CFAP44: variants seen among roughly 807,000 people sequenced by gnomAD.
CFAP44 encodes cilia and flagella associated protein 44.
In CFAP44, 134 loss-of-function variants were observed where a neutral mutation model predicts 216.2. The ratio of observed to expected loss-of-function variants is 0.62; its 90% CI spans 0.54 to 0.72. The LOEUF (loss-of-function observed/expected upper bound fraction) is 0.72, where lower values mean the gene tolerates loss of function less well. Among genes scored for constraint, CFAP44 ranks in the 30% least tolerant of loss-of-function variants. The pLI, the probability that CFAP44 is intolerant of heterozygous loss-of-function variation, is 0.00. For missense variants in CFAP44, 2,035 were observed against 2,182.1 expected (o/e 0.93, Z 1.34); for synonymous variants, 700 against 727.6 (o/e 0.96, Z 0.61).
At chr3:113,347,216 A>C (rs1225766486) in intron 22 of CFAP44, among the ~76,000 whole-genome samples, 1 of 151,676 alleles carries the variant, frequency 6.6e-6, no homozygotes, top group Non-Finnish European at 1.5e-5. Context: ...ACAACCCCCG[A>C]CTCTGGAGTT....
intron 28 of CFAP44, among the ~76,000 whole-genome samples, chr3:113,323,830 T>A (rs1213787761): frequency 6.6e-6 from 1 of 152,022 alleles, no homozygotes; most frequent in Non-Finnish European, 1.5e-5. Context: ...GAACACAAGG[T>A]CAGGAGATCA....
At chr3:113,318,279 C>T (rs967119793) in intron 28 of CFAP44, among the ~76,000 whole-genome samples, 10 of 152,036 alleles carry the variant, frequency 6.6e-5, no homozygotes, top group African/African-American at 2.4e-4. Flanking sequence ...AAACTCACTA[C>T]AAGAATTTCA....
chr3:113,428,528 T>A (rs914312591), intron 2 of CFAP44, among the ~76,000 whole-genome samples: 6 of 152,194 alleles, frequency 3.9e-5, no homozygotes, highest in Non-Finnish European at 8.8e-5. Flanking sequence ...GTTTTTATAA[T>A]CCTAAAATAG....
intron 28 of CFAP44, among the ~76,000 whole-genome samples, chr3:113,309,833 GAGA>G (rs1467836634): frequency 6.6e-6 from 1 of 152,140 alleles, no homozygotes; most frequent in African/African-American, 2.4e-5. Flanking sequence ...CTCAGACTTG[GAGA>G]AGAATAAGTT....
rs530959264 is a variant in CFAP44, at chr3:113,355,206, C to A, written c.3065+3539G>T. 4.0e-4 allele frequency among the ~76,000 whole-genome samples: 61 copies of A among 151,944 alleles called. 1 individual carries two copies. Among genetic ancestry groups the A allele is most frequent in the African/African-American group, 1.3e-3 (53 of 41,368 alleles). ...TGTAACCAAACACTACCTGTTCCCC[C>A]AAAAACCTATTGAAATTGAAAAAAA... On this transcript the variant is annotated intron_variant, in intron 22 of 34. Transcript: ENST00000393845.
At chr3:113,300,626 CA>C (rs893968034) in intron 32 of CFAP44, among the ~76,000 whole-genome samples, 8 of 149,884 alleles carry the variant, frequency 5.3e-5, no homozygotes, top group African/African-American at 4.9e-5. Context: ...GGATTAGTAT[CA>C]AAAAAAAATT....
intron 22 of CFAP44, among the ~76,000 whole-genome samples, chr3:113,355,011 C>T (rs981384952): frequency 2.0e-5 from 3 of 152,226 alleles, no homozygotes; most frequent in Non-Finnish European, 2.9e-5. Context: ...CATCACAAGA[C>T]TCTTTGCAGA....
rs765663958 is a variant in CFAP44, at chr3:113,426,177, C to T, written c.354G>A (p.Ser118=). Residue 118 remains serine, a synonymous_variant, in exon 4 of 35, where the codon TCG becomes TCA. Coordinates refer to ENST00000393845, the MANE Select transcript of CFAP44 (RefSeq NM_001164496.2). ...SFFYDYMELA[S]MPFVTLDSNI... is the part of the protein sequence containing the mutation. ...TTGAATCCAGAGTCACAAAAGGCAT[C>T]GAAGCAAGCTCCATATAATCATAGA... 46 of 1,613,974 alleles carry T rather than the reference C, an allele frequency of 2.9e-5. No homozygotes were observed. The South Asian group carries it at 3.2e-4, about 11-fold the overall frequency.
rs532207894 is a variant in CFAP44, at chr3:113,427,305, A to C, written c.135T>G (p.Asp45Glu). Residue 45 changes from aspartate (D) to glutamate (E), a missense_variant, in exon 3 of 35, where the codon GAT becomes GAG. By Grantham distance (45) the Asp-to-Glu change is conservative. This residue lies in a region of CFAP44 where 149 missense variants were observed against 141.8 expected (regional missense o/e 1.05). Coordinates refer to ENST00000393845, the MANE Select transcript of CFAP44 (RefSeq NM_001164496.2). The part of the protein sequence containing the change: ...PVQEDNTFLE[D>E]DTDETFTKGE... The stretch of plus-strand genomic sequence containing the variant: ...CTTTGGTAAATGTTTCATCTGTGTC[A>C]TCTTCTAAAAATGTGTTATCTTCTT... The C allele has an allele frequency of 1.2e-6, 2 of 1,611,704 alleles. No homozygotes were observed. Among genetic ancestry groups the C allele is most frequent in the South Asian group, 2.2e-5 (2 of 90,232 alleles).
chr3:113,388,281 GGGAA>G (rs1383155289), intron 15 of CFAP44, among the ~76,000 whole-genome samples: 4 of 152,102 alleles, frequency 2.6e-5, no homozygotes, highest in African/African-American at 4.8e-5. Context: ...TCCCAGTTGT[GGGAA>G]CTTGCTTATT....
chr3:113,437,204 T>C (rs1197129828), intron 1 of CFAP44, among the ~76,000 whole-genome samples: 1 of 152,222 alleles, frequency 6.6e-6, no homozygotes, highest in Non-Finnish European at 1.5e-5. Context: ...ACCTAGTGAT[T>C]TGAATCTCAT....
chr3:113,394,709 C>CTA (rs1461112688), intron 15 of CFAP44, among the ~76,000 whole-genome samples: 2 of 151,920 alleles, frequency 1.3e-5, no homozygotes, highest in Admixed American at 1.3e-4. Context: ...CTAACACTAA[C>CTA]AACAGCTGAC....
At chr3:113,385,629 C>T (rs1169364195) in intron 15 of CFAP44, among the ~76,000 whole-genome samples, 1 of 151,808 alleles carries the variant, frequency 6.6e-6, no homozygotes, top group Non-Finnish European at 1.5e-5. Context: ...TACAGGTCTT[C>T]TGGGGTTTTG....
rs542273716 is a variant in CFAP44, at chr3:113,426,446, A to T, written c.254-169T>A. Among the ~76,000 whole-genome samples, 23 of 152,280 alleles carry T rather than the reference A, an allele frequency of 1.5e-4. No individual in the cohort carries two copies. The South Asian group carries it at 4.6e-3, about 30-fold the overall frequency. ...CTCCATGCTGTTCTCATGATGGTGT[A>T]TGAGTTCTCACAAGATCTGATGTTG... On this transcript the variant is annotated intron_variant, in intron 3 of 34. Transcript: ENST00000393845.
At chr3:113,326,203 T>G (rs1027688663) in intron 28 of CFAP44, among the ~76,000 whole-genome samples, 1 of 152,244 alleles carries the variant, frequency 6.6e-6, no homozygotes, top group Non-Finnish European at 1.5e-5. Flanking sequence ...AACTACACTA[T>G]GCTCACTCAT....
intron 18 of CFAP44, among the ~76,000 whole-genome samples, chr3:113,367,925 G>A (rs994913373): frequency 6.6e-5 from 10 of 152,174 alleles, no homozygotes; most frequent in African/African-American, 1.9e-4. Flanking sequence ...ACCACAGGAC[G>A]AGAACTTCGT....
At chr3:113,422,818 G>A (rs1051291213) in intron 4 of CFAP44, among the ~76,000 whole-genome samples, 1 of 152,120 alleles carries the variant, frequency 6.6e-6, no homozygotes, top group Non-Finnish European at 1.5e-5. Context: ...TTAGGAATTG[G>A]AGAAATTATC....
At chr3:113,401,469 A>C in intron 10 of CFAP44, 115 bp downstream of exon 10, 1 of 1,308,136 alleles carries the variant, frequency 7.6e-7, no homozygotes, top group Non-Finnish European at 1.1e-6. Context: ...GCCACACAAT[A>C]AGCAATCTCA....
chr3:113,433,780 T>C, intron 1 of CFAP44, 111 bp from the exon 2 acceptor site: 2 of 859,796 alleles, frequency 2.3e-6, no homozygotes, highest in Non-Finnish European at 3.8e-6. Flanking sequence ...TCAATAATCC[T>C]TGTTTGCACA....
Sources: gnomAD v4.1 joint callset for allele counts (sites outside exome capture counted in the v4.1 genomes callset) on GRCh38, gnomAD v4.1.1 for gene constraint, gnomAD v4.1.1 regional missense constraint, MANE v1.5 for transcripts, NCBI Gene and HGNC (gene_info 2026-07-23, HGNC 2026-07-21) for gene names.